The following SEMA3E variants were observed in gnomAD, a reference collection of about 807,000 sequenced individuals.
SEMA3E encodes the protein semaphorin-3E.
SEMA3E carries 49 observed loss-of-function variants against 93.6 expected under a neutral mutation model. That is an observed-to-expected ratio of 0.52 (90% CI 0.42 to 0.66). SEMA3E has a LOEUF of 0.66. Among genes scored for constraint, SEMA3E ranks in the 30% least tolerant of loss-of-function variants. The probability of loss-of-function intolerance (pLI) is 0.00; values close to 1 mark genes in which losing one functional copy is unlikely to be tolerated. For synonymous variants in SEMA3E, 363 were observed against 330.7 expected (o/e 1.10, Z -1.06); for missense variants, 906 against 964.8 (o/e 0.94, Z 0.81).
At chr7:83,408,309 TC>T in intron 6 of SEMA3E, 58 bp downstream of exon 6, 1 of 1,605,954 alleles carries the variant, frequency 6.2e-7, no homozygotes, top group Non-Finnish European at 8.5e-7. Context: ...GGCAACATTT[TC>T]CGTAAGTTTT....
intron 1 of SEMA3E, among the ~76,000 whole-genome samples, chr7:83,521,516 AC>A (rs1791048925): frequency 6.6e-6 from 1 of 152,174 alleles, no homozygotes; most frequent in Admixed American, 6.6e-5. Context: ...AAACATGAGC[AC>A]TGGCATATGG....
At chr7:83,482,628 G>GTGGAAGA (rs896064643) in intron 2 of SEMA3E, among the ~76,000 whole-genome samples, 1 of 150,880 alleles carries the variant, frequency 6.6e-6, no homozygotes, top group African/African-American at 2.4e-5. Context: ...AGATTTACTG[G>GTGGAAGA]TGGAAGATGT....
intron 1 of SEMA3E, among the ~76,000 whole-genome samples, chr7:83,641,166 CA>C (rs1247620605): frequency 1.3e-5 from 2 of 152,172 alleles, no homozygotes; most frequent in African/African-American, 4.8e-5. Context: ...AATAGTTGTC[CA>C]GGATTCCTCA....
chr7:83,515,597 T>G (rs1790910784), intron 1 of SEMA3E, among the ~76,000 whole-genome samples: 3 of 152,196 alleles, frequency 2.0e-5, no homozygotes, highest in Admixed American at 1.3e-4. Flanking sequence ...GCTTAATCCT[T>G]AGAGTTTACT....
chr7:83,438,606 ATTAAC>A (rs1179059962), intron 4 of SEMA3E, among the ~76,000 whole-genome samples: 8 of 151,292 alleles, frequency 5.3e-5, no homozygotes, highest in Non-Finnish European at 1.2e-4. Flanking sequence ...TAAACAGACA[ATTAAC>A]TTATGATATT....
At chr7:83,510,600 G>T (rs1275409984) in intron 1 of SEMA3E, among the ~76,000 whole-genome samples, 2 of 152,028 alleles carry the variant, frequency 1.3e-5, no homozygotes, top group African/African-American at 4.8e-5. Context: ...TCCTCTTCTA[G>T]TAGAGAAAAT....
intron 16 of SEMA3E, among the ~76,000 whole-genome samples, chr7:83,376,480 T>C (rs1306869753): frequency 6.6e-6 from 1 of 152,074 alleles, no homozygotes; most frequent in African/African-American, 2.4e-5. Context: ...TTATGTTTTA[T>C]TTTAGACTAT....
intron 4 of SEMA3E, among the ~76,000 whole-genome samples, chr7:83,452,256 A>C (rs1789379165): frequency 6.6e-6 from 1 of 152,184 alleles, no homozygotes; most frequent in African/African-American, 2.4e-5. Context: ...GAGGTGGGCA[A>C]AGATGGCTTT....
At chr7:83,553,306 A>G (rs1791808142) in intron 1 of SEMA3E, among the ~76,000 whole-genome samples, 1 of 152,044 alleles carries the variant, frequency 6.6e-6, no homozygotes, top group Admixed American at 6.6e-5. Flanking sequence ...ATAACTCCCT[A>G]CAGTCCTCCA....
intron 16 of SEMA3E, among the ~76,000 whole-genome samples, chr7:83,378,135 A>T (rs1205948433): frequency 6.6e-6 from 1 of 150,972 alleles, no homozygotes; most frequent in Non-Finnish European, 1.5e-5. Flanking sequence ...TTTCAGATTA[A>T]AACTATATGT....
chr7:83,371,800 G>A (rs918623822), intron 16 of SEMA3E: 1 of 152,004 alleles, frequency 6.6e-6, no homozygotes, highest in Non-Finnish European at 1.5e-5. Context: ...CCTTTCTACT[G>A]TCTACCAATC....
At position 83,553,059 on chromosome 7, in the gene SEMA3E, C is replaced by T. The variant is rs560101972; in HGVS notation, c.116-62785G>A. Reference sequence around the variant, plus strand: ...CCTACTCCTGTTCTTATACCCTCTCCCCTTTTGAAAACCTTAATAAAAACT... The same window carrying T: ...CCTACTCCTGTTCTTATACCCTCTCTCCTTTTGAAAACCTTAATAAAAACT... On this transcript the variant is annotated intron_variant, in intron 1 of 16. Transcript: ENST00000643230. Among the ~76,000 whole-genome samples the T allele has an allele frequency of 1.7e-3, 251 of 151,860 alleles. 1 individual carries two copies. The highest frequency in any genetic ancestry group is 5.6e-3 in the African/African-American group (230 of 41,196).
intron 1 of SEMA3E, among the ~76,000 whole-genome samples, chr7:83,558,961 CT>C (rs1215923893): frequency 2.0e-5 from 3 of 152,012 alleles, no homozygotes; most frequent in Non-Finnish European, 4.4e-5. Flanking sequence ...GTTTTTTGAC[CT>C]TTTTCAGTCC....
intron 1 of SEMA3E, among the ~76,000 whole-genome samples, chr7:83,633,476 C>A (rs982341265): frequency 6.6e-6 from 1 of 152,126 alleles, no homozygotes; most frequent in Admixed American, 6.6e-5. Flanking sequence ...GCAAAAGGAA[C>A]CAATTTGTTT....
chr7:83,366,862 T>C lies in SEMA3E; in HGVS notation c.*724A>G, dbSNP rs1346954549. On this transcript the variant is annotated 3_prime_UTR_variant, in exon 17 of 17. Coordinates refer to ENST00000643230, the MANE Select transcript of SEMA3E (RefSeq NM_012431.3). ...TTTACAGTAGTTAGAATCCTAACTA[T>C]AACTTCATCTGATTTGACATTCTTT... 6.6e-6 allele frequency: 1 copy of C among 152,230 alleles called. No homozygotes were observed. The highest frequency in any genetic ancestry group is 1.5e-5 in the Non-Finnish European group (1 of 68,024). 9.4% of individuals were successfully genotyped at this position (152,230 alleles called of 1,614,324 possible). A position where few individuals can be genotyped will look rare whatever the true frequency, so the allele number is the denominator to read the frequency against.
intron 1 of SEMA3E, among the ~76,000 whole-genome samples, chr7:83,616,933 C>A (rs545065994): frequency 1.3e-5 from 2 of 152,074 alleles, no homozygotes; most frequent in African/African-American, 4.8e-5. Context: ...CCACGTTGGC[C>A]AGGCTGGTCT....
intron 4 of SEMA3E, among the ~76,000 whole-genome samples, chr7:83,446,166 A>G (rs778836584): frequency 6.6e-6 from 1 of 152,200 alleles, no homozygotes; most frequent in East Asian, 1.9e-4. Flanking sequence ...TTGAAATTTC[A>G]TGTTAGTCCT....
intron 4 of SEMA3E, among the ~76,000 whole-genome samples, chr7:83,422,507 TATATGA>T (rs1788686297): frequency 6.6e-6 from 1 of 152,174 alleles, no homozygotes; most frequent in Admixed American, 6.5e-5. Context: ...AATGACCAAG[TATATGA>T]ATATAATACT....
At chr7:83,421,333 G>A (rs1294812362) in intron 4 of SEMA3E, among the ~76,000 whole-genome samples, 1 of 141,236 alleles carries the variant, frequency 7.1e-6, no homozygotes, top group African/African-American at 2.5e-5. Flanking sequence ...CACAGATAAT[G>A]AAAATTAATA....
Sources: allele counts gnomAD v4.1 joint callset (sites outside exome capture counted in the v4.1 genomes callset), GRCh38; gene constraint gnomAD v4.1.1; transcripts MANE v1.5; gene names NCBI Gene and HGNC (gene_info 2026-07-23, HGNC 2026-07-21).